DNAH2: variants seen among roughly 807,000 people sequenced by gnomAD.
DNAH2 encodes dynein axonemal heavy chain 2.
A neutral mutation model predicts 523.5 loss-of-function variants in DNAH2; 323 were observed. The observed-to-expected ratio is 0.62, with a 90% CI of 0.56 to 0.68. DNAH2 has a LOEUF of 0.68. DNAH2 is among the 30% of genes least tolerant of loss of function. DNAH2 has a pLI of 0.00. For missense variants in DNAH2, 4,907 were observed against 5,701.5 expected, an observed-to-expected ratio of 0.86 and a Z score of 4.49; for synonymous variants, 2,093 against 2,177.4, an observed-to-expected ratio of 0.96 and a Z score of 1.08.
Position 7,734,511 on chromosome 17 carries a change from A to C in DNAH2, c.781A>C (p.Ser261Arg). 6.2e-7 allele frequency: 1 copy of C among 1,613,932 alleles called. No individual in the cohort carries two copies. Among genetic ancestry groups the C allele is most frequent in the South Asian group, 1.1e-5 (1 of 91,056 alleles). ...GACCCGGCAGATAAAGGAGATGCTC[A>C]GTGCCCAGGAGACTGTGGAGACAGG... is the stretch of plus-strand genomic sequence containing the variant. ...HWTRQIKEML[S>R]AQETVETGEN... Residue 261 changes from serine (S) to arginine (R), a missense_variant, in exon 7 of 86, where the codon AGT (serine) becomes CGT (arginine). By Grantham distance (110) the Ser-to-Arg change is moderately radical. Coordinates refer to ENST00000572933, the MANE Select transcript of DNAH2 (RefSeq NM_020877.5).
chr17:7,789,907 A>T (rs1326187616), intron 44 of DNAH2, among the ~76,000 whole-genome samples: 1 of 152,080 alleles, frequency 6.6e-6, no homozygotes, highest in African/African-American at 2.4e-5. Flanking sequence ...TAAACCCAAG[A>T]TCGGTATTCT....
At chr17:7,730,960 CA>C (rs1296303801) in intron 4 of DNAH2, among the ~76,000 whole-genome samples, 1 of 150,624 alleles carries the variant, frequency 6.6e-6, no homozygotes, top group Non-Finnish European at 1.5e-5. Context: ...ACTAAAAATA[CA>C]AAAAAAATTA....
In DNAH2 at chr17:7,824,693, A is replaced by T. The variant is rs761752121; in HGVS notation, c.11819A>T (p.Gln3940Leu). Residue 3940 changes from glutamine (Q) to leucine (L), a missense_variant, in exon 77 of 86, where the codon CAG (glutamine) becomes CTG (leucine). Physicochemically the swap from Gln to Leu is moderately radical, Grantham distance 113. Coordinates refer to ENST00000572933, the MANE Select transcript of DNAH2 (RefSeq NM_020877.5). ...PHPDFPISIL[Q>L]VSIKMTTEPP... ...CCAGACTTCCCTATCTCAATCTTGC[A>T]GGTCAGCATCAAGATGACCACAGAG... is the stretch of plus-strand genomic sequence containing the variant. 6 of 1,592,340 alleles carry T rather than the reference A, an allele frequency of 3.8e-6. No homozygotes were observed. The highest frequency in any genetic ancestry group is 4.3e-6 in the Non-Finnish European group (5 of 1,165,872).
intron 22 of DNAH2, among the ~76,000 whole-genome samples, chr17:7,767,686 C>T (rs139300728): frequency 1.3e-5 from 2 of 151,158 alleles, no homozygotes; most frequent in Non-Finnish European, 2.9e-5. Context: ...ATTTGCATTT[C>T]CCTAATGACT....
chr17:7,780,831 C>T lies in DNAH2; in HGVS notation c.6003+49C>T, dbSNP rs2076585546. 6.2e-7 allele frequency: 1 copy of T among 1,611,006 alleles called. No homozygotes were observed. The highest frequency in any genetic ancestry group is 1.3e-5 in the African/African-American group (1 of 74,890). On this transcript the variant is annotated intron_variant, in intron 38 of 85. Coordinates refer to ENST00000572933, the MANE Select transcript of DNAH2 (RefSeq NM_020877.5). The surrounding 1 kb of genome is among the most constrained non-coding windows in gnomAD (Gnocchi z 4.4). ...GACCTGACTTCCACTGTCACTGGACCTATGTCACTTCTCTCAAGTCTTTCA... is the reference window on the plus strand; with the variant it reads ...GACCTGACTTCCACTGTCACTGGACTTATGTCACTTCTCTCAAGTCTTTCA...
chr17:7,728,802 T>C (rs1281022033), intron 4 of DNAH2, among the ~76,000 whole-genome samples: 2 of 152,056 alleles, frequency 1.3e-5, no homozygotes, highest in African/African-American at 4.8e-5. Flanking sequence ...CTGGGTAACA[T>C]AGTGCAACCC....
At chr17:7,761,043 T>C in intron 18 of DNAH2, 111 bp downstream of exon 18, 1 of 1,344,910 alleles carries the variant, frequency 7.4e-7, no homozygotes, top group Middle Eastern at 2.6e-4. Flanking sequence ...ATGACATGTG[T>C]CCTCAATGAC....
intron 4 of DNAH2, among the ~76,000 whole-genome samples, chr17:7,732,294 G>T (rs1022425389): frequency 3.3e-5 from 5 of 151,534 alleles, no homozygotes; most frequent in Non-Finnish European, 4.4e-5. Context: ...AATTAGCCAG[G>T]TGTGGTGGTA....
chr17:7,815,369 G>A (rs1038692558), intron 63 of DNAH2, among the ~76,000 whole-genome samples: 2 of 152,220 alleles, frequency 1.3e-5, no homozygotes, highest in East Asian at 1.9e-4. Flanking sequence ...AGGTGGCAGC[G>A]GGAAAGGGAA....
chr17:7,723,752 GT>G (rs1208209930), intron 3 of DNAH2, 63 bp downstream of exon 3: 1 of 1,399,302 alleles, frequency 7.1e-7, no homozygotes, highest in Non-Finnish European at 1.0e-6. Flanking sequence ...CAAAGGATCA[GT>G]TGTGGATGGC....
At chr17:7,736,864 C>T (rs963558014) in intron 7 of DNAH2, among the ~76,000 whole-genome samples, 3 of 152,170 alleles carry the variant, frequency 2.0e-5, no homozygotes, top group Non-Finnish European at 4.4e-5. Context: ...CACCTGTAAT[C>T]CCAGCTACTT....
Position 7,831,691 on chromosome 17 carries a change from C to G in DNAH2, c.12642C>G (p.Ile4214Met), listed in dbSNP as rs745635587. The change falls in exon 82 of 86, where the codon ATC becomes ATG. Residue 4214 changes from isoleucine (I) to methionine (M), a missense_variant. Coordinates refer to ENST00000572933, the MANE Select transcript of DNAH2 (RefSeq NM_020877.5). The surrounding 1 kb of genome is among the most constrained non-coding windows in gnomAD (Gnocchi z 4.2). ...CACTGACAGACCTAGAGAAAGGCAT[C>G]CAGGGTCTCATCGTCATGTCTACAA... ...LFSLTDLEKG[I>M]QGLIVMSTSL... 6.2e-7 allele frequency: 1 copy of G among 1,614,192 alleles called. No individual in the cohort carries two copies. Among genetic ancestry groups the G allele is most frequent in the South Asian group, 1.1e-5 (1 of 91,078 alleles).
Position 7,824,572 on chromosome 17 carries a change from C to T in DNAH2, c.11698C>T (p.Leu3900=). The stretch of plus-strand genomic sequence containing the variant: ...GTTCCTGGCAAACTGCCACCTGTCA[C>T]TGTCTTGGATGCCTAATCTGGACAA... The part of the protein sequence containing the change: ...WVFLANCHLS[L]SWMPNLDKLV... The change falls in exon 77 of 86, where the codon CTG becomes TTG. Residue 3900 remains leucine, a synonymous_variant. Coordinates refer to ENST00000572933, the MANE Select transcript of DNAH2 (RefSeq NM_020877.5). The T allele has an allele frequency of 1.3e-6, 2 of 1,583,308 alleles. No individual in the cohort carries two copies. The highest frequency in any genetic ancestry group is 8.6e-7 in the Non-Finnish European group (1 of 1,158,932).
At chr17:7,731,718 AGTT>A (rs1443900551) in intron 4 of DNAH2, among the ~76,000 whole-genome samples, 1 of 152,154 alleles carries the variant, frequency 6.6e-6, no homozygotes, top group African/African-American at 2.4e-5. Context: ...CAAAAATAAT[AGTT>A]GTTAAACTTT....
At chr17:7,776,607 C>T (rs1021800707) in intron 31 of DNAH2, among the ~76,000 whole-genome samples, 172 bp from the exon 32 acceptor site, 2 of 152,184 alleles carry the variant, frequency 1.3e-5, no homozygotes, top group African/African-American at 2.4e-5. Context: ...GGCTCTGGTA[C>T]ACTCCAAGCT....
chr17:7,810,497 T>C (rs573828323), intron 63 of DNAH2, among the ~76,000 whole-genome samples: 60 of 152,338 alleles, frequency 3.9e-4, no homozygotes, highest in South Asian at 8.3e-4. Context: ...CAAGTGATTC[T>C]CCTGCCTCAG....
intron 8 of DNAH2, chr17:7,738,205 A>G (rs2075199027): frequency 3.0e-6 from 2 of 666,546 alleles, no homozygotes; most frequent in African/African-American, 3.5e-5. Flanking sequence ...TTTCCTGTAC[A>G]CTTTGTTTAG....
In DNAH2 at chr17:7,737,063, C is replaced by T. The variant is rs933330265; in HGVS notation, c.979-4C>T. On this transcript the variant is annotated splice_polypyrimidine_tract_variant and splice_region_variant and intron_variant, in intron 7 of 85. Coordinates refer to ENST00000572933, the MANE Select transcript of DNAH2 (RefSeq NM_020877.5). ...ATCTATTTCTCATCTCTCTTTACTG[C>T]CAGGATGGCTCTCGTCAAGCACAGT... The T allele has an allele frequency of 1.2e-6, 2 of 1,612,010 alleles. No individual in the cohort carries two copies. Among genetic ancestry groups the T allele is most frequent in the South Asian group, 1.1e-5 (1 of 91,002 alleles).
At chr17:7,781,346 A>G (rs574769931) in intron 39 of DNAH2, among the ~76,000 whole-genome samples, 179 bp downstream of exon 39, 1 of 152,260 alleles carries the variant, frequency 6.6e-6, no homozygotes, top group East Asian at 1.9e-4. Flanking sequence ...ATGGTGGTGC[A>G]CACGAGTGTA....
Sources: allele counts gnomAD v4.1 joint callset (sites outside exome capture counted in the v4.1 genomes callset), GRCh38; gene constraint gnomAD v4.1.1; non-coding constraint Gnocchi (gnomAD v3.1); transcripts MANE v1.5; gene names NCBI Gene and HGNC (gene_info 2026-07-23, HGNC 2026-07-21).